The following CDV3 variants were observed in gnomAD, a reference collection of about 807,000 sequenced individuals.
CDV3 encodes the protein CDV3 homolog.
Under a neutral mutation model 24.5 loss-of-function variants are expected in CDV3, and 14 were observed. The ratio of observed to expected loss-of-function variants is 0.57; its 90% CI spans 0.38 to 0.89. The LOEUF is 0.89. Among genes scored for constraint, CDV3 ranks in the 40% least tolerant of loss-of-function variants. The pLI is 0.00. For synonymous variants in CDV3, 114 were observed against 114.1 expected (o/e 1.00, Z 0.00); for missense variants, 304 against 310.2 (o/e 0.98, Z 0.15).
At chr3:133,587,317 T>A (rs145205376) in intron 4 of CDV3, 1 of 1,256,320 alleles carries the variant, frequency 8.0e-7, no homozygotes, top group East Asian at 3.1e-5. Flanking sequence ...TTAGAATAAA[T>A]CCCAGCCTTT....
Position 133,575,036 on chromosome 3 carries a change from C to A in CDV3, c.241-3C>A. 6.3e-7 allele frequency: 1 copy of A among 1,583,456 alleles called. No individual in the cohort carries two copies. Among genetic ancestry groups the A allele is most frequent in the Non-Finnish European group, 8.7e-7 (1 of 1,152,346 alleles). On this transcript the variant is annotated splice_polypyrimidine_tract_variant and splice_region_variant and intron_variant, in intron 1 of 4. Transcript: ENST00000264993. Reference sequence around the variant, plus strand: ...AATTGATCAAATGGCGTTTGTTTTACAGGACGAAGATGAATGGAAAGAATT... The same window carrying A: ...AATTGATCAAATGGCGTTTGTTTTAAAGGACGAAGATGAATGGAAAGAATT...
At chr3:133,575,268 C>T (rs1052722697) in intron 2 of CDV3, among the ~76,000 whole-genome samples, 153 bp downstream of exon 2, 3 of 152,228 alleles carry the variant, frequency 2.0e-5, no homozygotes, top group South Asian at 2.1e-4. Context: ...CTCTTTCTCA[C>T]TCCATGGAGG....
intron 2 of CDV3, among the ~76,000 whole-genome samples, chr3:133,583,480 G>A (rs910593133): frequency 2.0e-5 from 3 of 152,088 alleles, no homozygotes; most frequent in Non-Finnish European, 4.4e-5. Flanking sequence ...TCCCTTAGTC[G>A]CTTGAGGTGG....
At chr3:133,574,482 C>T (rs908182720) in intron 1 of CDV3, 198 bp downstream of exon 1, 144 of 986,266 alleles carry the variant, frequency 1.5e-4, no homozygotes, top group Non-Finnish European at 1.6e-4. Flanking sequence ...CGCGGTGGAG[C>T]CGCCCTTCCC....
intron 4 of CDV3, chr3:133,587,191 A>G: frequency 7.3e-7 from 1 of 1,368,904 alleles, no homozygotes; most frequent in Non-Finnish European, 9.7e-7. Flanking sequence ...CCTGGAATTA[A>G]ATGACTACAT....
intron 3 of CDV3, among the ~76,000 whole-genome samples, chr3:133,584,751 C>G (rs1933410115): frequency 6.6e-6 from 1 of 152,114 alleles, no homozygotes. Context: ...TTATCATTCT[C>G]AAGGTGGTAA....
intron 2 of CDV3, among the ~76,000 whole-genome samples, chr3:133,579,191 GAT>G (rs546079599): frequency 3.6e-4 from 55 of 152,270 alleles, no homozygotes; most frequent in South Asian, 8.3e-4. Flanking sequence ...TGCTGTAGTA[GAT>G]ATTCAGTAAG....
chr3:133,576,780 A>G (rs1485383185), intron 2 of CDV3, among the ~76,000 whole-genome samples: 1 of 148,928 alleles, frequency 6.7e-6, no homozygotes, highest in Non-Finnish European at 1.5e-5. Flanking sequence ...CTTGCCAGGG[A>G]TATAAGTAAG....
At chr3:133,586,480 TTAAA>T in intron 3 of CDV3, 79 bp from the exon 4 acceptor site, 1 of 724,930 alleles carries the variant, frequency 1.4e-6, no homozygotes, top group Non-Finnish European at 2.4e-6. Context: ...TCTATAATTG[TTAAA>T]TGATTGGGAA....
At chr3:133,578,734 A>G (rs1033165307) in intron 2 of CDV3, among the ~76,000 whole-genome samples, 2 of 152,224 alleles carry the variant, frequency 1.3e-5, no homozygotes, top group Non-Finnish European at 2.9e-5. Flanking sequence ...GCTAGGTATA[A>G]TAGGGACAAA....
At chr3:133,574,508 GCGTTAGCCAAGGCC>G in intron 1 of CDV3, 1 of 986,346 alleles carries the variant, frequency 1.0e-6, no homozygotes, top group African/African-American at 1.7e-5. Flanking sequence ...GCGTCGCTCG[GCGTTAGCCAAGGCC>G]CGGGCGGCGC....
chr3:133,587,483 A>C, intron 4 of CDV3: 1 of 1,125,734 alleles, frequency 8.9e-7, no homozygotes, highest in Non-Finnish European at 1.1e-6. Flanking sequence ...CTCCCACAAA[A>C]TCGATGTGAG....
intron 2 of CDV3, among the ~76,000 whole-genome samples, chr3:133,577,994 A>AT (rs1464231081): frequency 6.6e-6 from 1 of 151,620 alleles, no homozygotes; most frequent in Non-Finnish European, 1.5e-5. Flanking sequence ...TTTCATCTCT[A>AT]TTTTTTCATT....
chr3:133,576,262 T>A (rs1170376243), intron 2 of CDV3, among the ~76,000 whole-genome samples: 1 of 152,248 alleles, frequency 6.6e-6, no homozygotes, highest in African/African-American at 2.4e-5. Context: ...TCTTGAGATT[T>A]CTTTGTAGTG....
At chr3:133,574,979 A>G (rs890709733) in intron 1 of CDV3, 60 bp from the exon 2 acceptor site, 2 of 1,037,064 alleles carry the variant, frequency 1.9e-6, no homozygotes, top group African/African-American at 1.6e-5. Context: ...GTAGTGTGTT[A>G]TTTGCTTAGT....
intron 4 of CDV3, chr3:133,587,424 G>C: frequency 8.5e-7 from 1 of 1,174,936 alleles, no homozygotes; most frequent in East Asian, 3.8e-5. Flanking sequence ...CCTTGGGAGG[G>C]CAGTGATTCA....
Position 133,574,027 on chromosome 3 carries a change from G to C in CDV3, c.-18G>C. ...CCCGCCGCCGGCCCCACCCATCCGG[G>C]TCGAGGAGGCCGAGGCCATGGCTGA... On this transcript the variant is annotated 5_prime_UTR_variant, in exon 1 of 5. Coordinates refer to ENST00000264993, the MANE Select transcript of CDV3 (RefSeq NM_017548.5). The C allele has an allele frequency of 8.9e-7, 1 of 1,125,440 alleles. No individual in the cohort carries two copies. Among genetic ancestry groups the C allele is most frequent in the Non-Finnish European group, 1.1e-6 (1 of 903,876 alleles). 69.7% of individuals were successfully genotyped at this position (1,125,440 alleles called of 1,614,324 possible).
intron 2 of CDV3, among the ~76,000 whole-genome samples, chr3:133,581,979 G>C (rs971872453): frequency 1.3e-5 from 2 of 152,058 alleles, no homozygotes; most frequent in Admixed American, 1.3e-4. Context: ...ACCTCTTAGG[G>C]ATGAATTGCC....
Position 133,574,041 on chromosome 3 carries a change from G to T in CDV3, c.-4G>T. The T allele has an allele frequency of 1.7e-6, 2 of 1,189,312 alleles. No homozygotes were observed. Among genetic ancestry groups the T allele is most frequent in the South Asian group, 1.7e-5 (1 of 57,376 alleles). 73.7% of individuals were successfully genotyped at this position (1,189,312 alleles called of 1,614,324 possible). ...CACCCATCCGGGTCGAGGAGGCCGA[G>T]GCCATGGCTGAGACGGAGGAGCGGA... is the stretch of plus-strand genomic sequence containing the variant. On this transcript the variant is annotated 5_prime_UTR_variant, in exon 1 of 5. It adds an upstream start codon to the 5' untranslated region. Transcript: ENST00000264993.
Sources: allele counts gnomAD v4.1 joint callset (sites outside exome capture counted in the v4.1 genomes callset), GRCh38; gene constraint gnomAD v4.1.1; transcripts MANE v1.5; gene names NCBI Gene and HGNC (gene_info 2026-07-23, HGNC 2026-07-21).